SAMD5: variants seen among roughly 807,000 people sequenced by gnomAD.
SAMD5 encodes the protein sterile alpha motif domain containing 5, also known as sterile alpha motif domain-containing protein 5.
Under a neutral mutation model 11.3 loss-of-function variants are expected in SAMD5, and 13 were observed. The observed-to-expected ratio is 1.15, with a 90% CI of 0.75 to 1.83. The LOEUF (loss-of-function observed/expected upper bound fraction) is 1.83. Among genes scored for constraint, SAMD5 ranks in the 40% most tolerant of loss-of-function variants. The pLI is 0.00. For synonymous variants in SAMD5, 129 were observed against 111.3 expected (o/e 1.16, Z -1.00); for missense variants, 255 against 239.1 (o/e 1.07, Z -0.44).
At chr6:147,883,542 C>G in the SAMD5 span, among the ~76,000 whole-genome samples, 2 of 148,944 alleles carry the variant, frequency 1.3e-5, no homozygotes, top group Non-Finnish European at 2.9e-5. Flanking sequence ...GAAAACTGTT[C>G]TGTAAATCCT....
chr6:147,835,241 A>AAAAC, the SAMD5 span, among the ~76,000 whole-genome samples: 24 of 150,748 alleles, frequency 1.6e-4, 1 homozygote, highest in African/African-American at 5.9e-4. Context: ...TTAAAAAAAA[A>AAAAC]AAAAACAAAA....
At chr6:147,891,441 CTG>C in the SAMD5 span, among the ~76,000 whole-genome samples, 3 of 151,846 alleles carry the variant, frequency 2.0e-5, no homozygotes, top group Non-Finnish European at 4.4e-5. Flanking sequence ...CATTCATGGT[CTG>C]TGTTGAGGGG....
chr6:147,712,305 A>G lies in SAMD5; in HGVS notation c.163-25012A>G, dbSNP rs190682182. On this transcript the variant is annotated intron_variant, in intron 1 of 1. Coordinates refer to the SAMD5 transcript ENST00000566741. ...TCACACATACTAGCATCAAATGGATATAGAAAAACAACAATTTATTTTTTT... is the reference window on the plus strand; with the variant it reads ...TCACACATACTAGCATCAAATGGATGTAGAAAAACAACAATTTATTTTTTT... Among the ~76,000 whole-genome samples the G allele has an allele frequency of 3.8e-4, 58 of 152,364 alleles. No individual in the cohort carries two copies. The East Asian group carries it at 8.5e-3, about 22-fold the overall frequency.
chr6:147,616,324 C>G lies in SAMD5; in HGVS notation c.162+106937C>G, dbSNP rs57967764. Among the ~76,000 whole-genome samples the G allele has an allele frequency of 6.1e-3, 823 of 136,028 alleles. 11 individuals carry two copies. The highest frequency in any genetic ancestry group is 0.028 in the Middle Eastern group (7 of 246). 89.2% of individuals were successfully genotyped at this position (136,028 alleles called of 152,430 possible). On this transcript the variant is annotated intron_variant, in intron 1 of 1. Coordinates refer to the SAMD5 transcript ENST00000566741. ...TTTCATATATATTTATTCATATATA[C>G]TTCATATATATTTCATATAATGAAA...
chr6:147,929,842 G>T, the SAMD5 span, among the ~76,000 whole-genome samples: 1 of 152,210 alleles, frequency 6.6e-6, no homozygotes, highest in Non-Finnish European at 1.5e-5. Context: ...TAGTGTAGCT[G>T]AAAACTTAGC....
At chr6:147,952,809 C>G in the SAMD5 span, among the ~76,000 whole-genome samples, 3 of 152,174 alleles carry the variant, frequency 2.0e-5, no homozygotes, top group Non-Finnish European at 4.4e-5. Flanking sequence ...CCACCGCACC[C>G]GGCCCTTTTT....
At chr6:147,538,541 T>G (rs1050669945) in intron 1 of SAMD5, among the ~76,000 whole-genome samples, 1 of 152,222 alleles carries the variant, frequency 6.6e-6, no homozygotes, top group Non-Finnish European at 1.5e-5. Flanking sequence ...TAAGTGATTT[T>G]TAACTATATA....
At chr6:147,736,689 T>C (rs533841892) in intron 1 of SAMD5, among the ~76,000 whole-genome samples, 1 of 152,198 alleles carries the variant, frequency 6.6e-6, no homozygotes, top group Non-Finnish European at 1.5e-5. Context: ...TCAGATAGGC[T>C]GAAATTTTGA....
At chr6:147,540,941 T>TGG (rs1788592822) in intron 1 of SAMD5, among the ~76,000 whole-genome samples, 6 of 136,648 alleles carry the variant, frequency 4.4e-5, no homozygotes, top group African/African-American at 1.4e-4. Context: ...GCGTTTTTTT[T>TGG]TTTTTTTTTT....
the SAMD5 span, among the ~76,000 whole-genome samples, chr6:147,847,207 C>A: frequency 6.6e-6 from 1 of 152,094 alleles, no homozygotes; most frequent in African/African-American, 2.4e-5. Context: ...GGAAAAATCT[C>A]CCAGTTTATT....
the SAMD5 span, among the ~76,000 whole-genome samples, chr6:147,865,096 G>T: frequency 6.6e-6 from 1 of 152,068 alleles, no homozygotes; most frequent in African/African-American, 2.4e-5. Flanking sequence ...CTTTTCTTCT[G>T]GGCATCTGTT....
At chr6:147,948,936 A>G in the SAMD5 span, among the ~76,000 whole-genome samples, 17 of 152,318 alleles carry the variant, frequency 1.1e-4, no homozygotes, top group African/African-American at 4.1e-4. Context: ...CAGTCCTGCA[A>G]TAGAATTTTT....
intron 1 of SAMD5, among the ~76,000 whole-genome samples, chr6:147,555,654 C>A (rs1788843554): frequency 6.6e-6 from 1 of 152,026 alleles, no homozygotes; most frequent in Non-Finnish European, 1.5e-5. Flanking sequence ...TCCAAATGAC[C>A]AATACATGAT....
chr6:147,802,092 T>A, the SAMD5 span, among the ~76,000 whole-genome samples: 2 of 152,188 alleles, frequency 1.3e-5, no homozygotes, highest in Admixed American at 6.6e-5. Flanking sequence ...TCCTGTTCAT[T>A]AGCAGACACA....
chr6:147,907,217 G>C, the SAMD5 span, among the ~76,000 whole-genome samples: 2 of 152,208 alleles, frequency 1.3e-5, no homozygotes, highest in Admixed American at 1.3e-4. Context: ...GGGTCTGGCA[G>C]GGTACATTGG....
chr6:147,943,235 G>A, the SAMD5 span, among the ~76,000 whole-genome samples: 1 of 152,158 alleles, frequency 6.6e-6, no homozygotes, highest in African/African-American at 2.4e-5. Context: ...TTTTATCTGT[G>A]TTTTTAGATG....
At chr6:147,580,082 C>T (rs1272706404) in intron 1 of SAMD5, among the ~76,000 whole-genome samples, 1 of 152,174 alleles carries the variant, frequency 6.6e-6, no homozygotes. Flanking sequence ...TAACTCATAA[C>T]AATGCACACC....
intron 1 of SAMD5, among the ~76,000 whole-genome samples, chr6:147,677,349 T>A (rs540580229): frequency 6.6e-6 from 1 of 152,206 alleles, no homozygotes; most frequent in African/African-American, 2.4e-5. Context: ...AGTGGTGTGG[T>A]AAGGAACTTC....
At chr6:147,767,814 G>A in the SAMD5 span, among the ~76,000 whole-genome samples, 1 of 152,176 alleles carries the variant, frequency 6.6e-6, no homozygotes, top group Admixed American at 6.5e-5. Context: ...AACTAAGACA[G>A]GAGGGATCAT....
Sources: gnomAD v4.1 joint callset for allele counts (sites outside exome capture counted in the v4.1 genomes callset) on GRCh38, gnomAD v4.1.1 for gene constraint, MANE v1.5 for transcripts, NCBI Gene and HGNC (gene_info 2026-07-23, HGNC 2026-07-21) for gene names.